The following NUAK1 variants were observed in gnomAD, a reference collection of about 807,000 sequenced individuals.
NUAK1 encodes the protein NUAK family SNF1-like kinase 1.
Under a neutral mutation model 56.9 loss-of-function variants are expected in NUAK1, and 26 were observed. The observed-to-expected ratio is 0.46, with a 90% CI of 0.33 to 0.63. The LOEUF is 0.63. NUAK1 is among the 30% of genes least tolerant of loss of function. The probability of loss-of-function intolerance (pLI) is 0.02; values close to 1 mark genes in which losing one functional copy is unlikely to be tolerated. For missense variants in NUAK1, 727 were observed against 876.1 expected (o/e 0.83, Z 2.15); for synonymous variants, 337 against 336.0 (o/e 1.00, Z -0.03).
chr12:106,130,705 G>T (rs1354249078), intron 1 of NUAK1, among the ~76,000 whole-genome samples: 1 of 152,266 alleles, frequency 6.6e-6, no homozygotes, highest in East Asian at 1.9e-4. Flanking sequence ...TAGTAGGAGA[G>T]GGGCTGCTTC....
chr12:106,096,446 C>T (rs943748246), intron 2 of NUAK1, among the ~76,000 whole-genome samples: 1 of 152,174 alleles, frequency 6.6e-6, no homozygotes, highest in Admixed American at 6.5e-5. Context: ...CATGATTACA[C>T]GTGAAGAGAA....
chr12:106,102,453 G>A (rs1040965449), intron 2 of NUAK1, among the ~76,000 whole-genome samples: 1 of 152,106 alleles, frequency 6.6e-6, no homozygotes, highest in African/African-American at 2.4e-5. Flanking sequence ...AGTGTGACTG[G>A]GGAACTGAAT....
At chr12:106,103,644 C>T (rs117295039) in intron 2 of NUAK1, among the ~76,000 whole-genome samples, 1,916 of 152,292 alleles carry the variant, frequency 0.013, 11 homozygotes, top group Middle Eastern at 0.02. Flanking sequence ...GAATATACTG[C>T]TTACATGCCT....
chr12:106,116,690 C>T (rs1565926680), intron 1 of NUAK1, among the ~76,000 whole-genome samples: 1 of 152,234 alleles, frequency 6.6e-6, no homozygotes, highest in African/African-American at 2.4e-5. Flanking sequence ...GTGCCTGGCA[C>T]ATAGTAGGTG....
Position 106,067,160 on chromosome 12 carries a change from G to T in NUAK1, c.1628C>A (p.Pro543His), listed in dbSNP as rs3741883. 1.4e-4 allele frequency: 221 copies of T among 1,614,064 alleles called. No homozygotes were observed. Among genetic ancestry groups the T allele is most frequent in the Admixed American group, 1.3e-3 (80 of 60,028 alleles). The change falls in exon 7 of 7, where the codon CCT (proline) becomes CAT (histidine). Residue 543 changes from proline to histidine, a missense_variant. Coordinates refer to ENST00000261402, the MANE Select transcript of NUAK1 (RefSeq NM_014840.3). This position sits in a 1 kb window ranked among gnomAD's most constrained non-coding sequence, Gnocchi z 6.0. The part of the protein sequence containing the change: ...AGTMDPALVS[P>H]EMPTLESLSE... ...CAGGGATTCCAGTGTGGGCATTTCA[G>T]GGCTGACCAGGGCTGGGTCCATGGT...
Position 106,138,555 on chromosome 12 carries a change from G to T in NUAK1, c.99C>A (p.Ala33=). 2 of 1,608,886 alleles carry T rather than the reference G, an allele frequency of 1.2e-6. No individual in the cohort carries two copies. Among genetic ancestry groups the T allele is most frequent in the Non-Finnish European group, 8.5e-7 (1 of 1,179,134 alleles). Residue 33 remains alanine, a synonymous_variant, in exon 1 of 7, where the codon GCC becomes GCA. Coordinates refer to ENST00000261402, the MANE Select transcript of NUAK1 (RefSeq NM_014840.3). This position sits in a 1 kb window ranked among gnomAD's most constrained non-coding sequence, Gnocchi z 5.0. ...CCCCGTGCGGCTTCCTGGGCTCCAG[G>T]GCTGCAGTCGCCCCCGCCACCGCCT... ...PREAVAGATA[A]LEPRKPHGVK...
chr12:106,069,666 G>C (rs1043871509), intron 6 of NUAK1, among the ~76,000 whole-genome samples: 1 of 152,172 alleles, frequency 6.6e-6, no homozygotes, highest in Non-Finnish European at 1.5e-5. Context: ...AGGCTCTCAG[G>C]AACCTAACCC....
intron 2 of NUAK1, among the ~76,000 whole-genome samples, chr12:106,097,250 T>C (rs2032704536): frequency 6.6e-6 from 1 of 152,214 alleles, no homozygotes. Flanking sequence ...ATTGGCTCAC[T>C]CAAATCTCAG....
chr12:106,071,520 T>C (rs1002309858), intron 5 of NUAK1, among the ~76,000 whole-genome samples: 2 of 152,212 alleles, frequency 1.3e-5, no homozygotes, highest in African/African-American at 4.8e-5. Flanking sequence ...TGCCATGTAG[T>C]AACATGGGCC....
chr12:106,127,563 G>T (rs903858951), intron 1 of NUAK1, among the ~76,000 whole-genome samples: 1 of 152,140 alleles, frequency 6.6e-6, no homozygotes, highest in Non-Finnish European at 1.5e-5. Context: ...GAATGTATTT[G>T]CATCCCACAG....
chr12:106,127,300 G>A (rs549812057), intron 1 of NUAK1, among the ~76,000 whole-genome samples: 2 of 152,278 alleles, frequency 1.3e-5, no homozygotes, highest in African/African-American at 4.8e-5. Flanking sequence ...AAGTAGCCAG[G>A]ACTACAGACG....
chr12:106,090,361 G>T (rs17038107), intron 2 of NUAK1, among the ~76,000 whole-genome samples: 5,453 of 152,232 alleles, frequency 0.036, 113 homozygotes, highest in African/African-American at 0.056. Flanking sequence ...GTTTCATCAA[G>T]GAGGCCAGAG....
At chr12:106,104,765 C>T (rs191933920) in intron 2 of NUAK1, among the ~76,000 whole-genome samples, 235 of 152,030 alleles carry the variant, frequency 1.5e-3, no homozygotes, top group African/African-American at 5.4e-3. Flanking sequence ...AAATATATTA[C>T]CAACATTTAC....
chr12:106,090,307 A>G (rs1284610859), intron 2 of NUAK1, among the ~76,000 whole-genome samples: 1 of 152,138 alleles, frequency 6.6e-6, no homozygotes, highest in Non-Finnish European at 1.5e-5. Context: ...TGTCACCTTA[A>G]ATTAATTGAG....
intron 1 of NUAK1, among the ~76,000 whole-genome samples, chr12:106,120,998 G>A (rs1469164176): frequency 4.6e-5 from 7 of 152,182 alleles, no homozygotes; most frequent in Non-Finnish European, 1.0e-4. Context: ...ACTGATACCT[G>A]AGTTCCTTCC....
In NUAK1 at chr12:106,138,694, G is replaced by C. The variant is rs2033155162; in HGVS notation, c.-41C>G. On this transcript the variant is annotated 5_prime_UTR_variant, in exon 1 of 7. Coordinates refer to ENST00000261402, the MANE Select transcript of NUAK1 (RefSeq NM_014840.3). The surrounding 1 kb of genome is among the most constrained non-coding windows in gnomAD (Gnocchi z 5.0). ...GAGCCGGGCTACAGAGGGCAAGACC[G>C]GGCACAGCGCTGGGATGTCGGGGTC... 4 of 1,467,044 alleles carry C rather than the reference G, an allele frequency of 2.7e-6. No individual in the cohort carries two copies. The highest frequency in any genetic ancestry group is 1.4e-5 in the African/African-American group (1 of 70,820). The allele number at this position is 1,467,044 out of a possible 1,614,324, so 90.9% of individuals were successfully genotyped here.
In NUAK1 at chr12:106,073,841, G is replaced by A. The variant is rs1490836634; in HGVS notation, c.580-998C>T. Among the ~76,000 whole-genome samples, 6 of 151,882 alleles carry A rather than the reference G, an allele frequency of 4.0e-5. No homozygotes were observed. The East Asian group carries it at 1.2e-3, about 29-fold the overall frequency. ...TCAAAAAAAAAAATAAGATGACACC[G>A]TGAGTGTAACAGTGGTTCATAACCT... On this transcript the variant is annotated intron_variant, in intron 4 of 6. Transcript: ENST00000261402.
intron 2 of NUAK1, among the ~76,000 whole-genome samples, chr12:106,097,017 C>T (rs909373096): frequency 6.6e-6 from 1 of 152,208 alleles, no homozygotes; most frequent in Non-Finnish European, 1.5e-5. Flanking sequence ...CTACTCCAGC[C>T]AGAAAGGACA....
At chr12:106,069,786 C>T (rs2032384357) in intron 6 of NUAK1, among the ~76,000 whole-genome samples, 1 of 152,076 alleles carries the variant, frequency 6.6e-6, no homozygotes, top group African/African-American at 2.4e-5. Context: ...TGTAGGTATA[C>T]AGATATACAT....
Sources: allele counts gnomAD v4.1 joint callset (sites outside exome capture counted in the v4.1 genomes callset), GRCh38; gene constraint gnomAD v4.1.1; non-coding constraint Gnocchi (gnomAD v3.1); transcripts MANE v1.5; gene names NCBI Gene and HGNC (gene_info 2026-07-23, HGNC 2026-07-21).